Variants in TMEM108 observed in about 807,000 individuals in gnomAD.
TMEM108 encodes the protein cancer/testis antigen 124.
Under a neutral mutation model 35.1 loss-of-function variants are expected in TMEM108, and 12 were observed. The observed-to-expected ratio is 0.34, with a 90% CI of 0.22 to 0.55. TMEM108 has a LOEUF of 0.55. Among genes scored for constraint, TMEM108 ranks in the 20% least tolerant of loss-of-function variants. TMEM108 has a pLI of 0.89. For synonymous variants in TMEM108, 287 were observed against 308.6 expected (o/e 0.93, Z 0.73); for missense variants, 680 against 753.3 (o/e 0.90, Z 1.14).
At chr3:133,201,039 A>G (rs1945656000) in intron 2 of TMEM108, among the ~76,000 whole-genome samples, 1 of 152,174 alleles carries the variant, frequency 6.6e-6, no homozygotes, top group Non-Finnish European at 1.5e-5. Context: ...TCACCAATAT[A>G]CTAAAAAACC....
chr3:133,295,844 C>T (rs868618630), intron 3 of TMEM108, among the ~76,000 whole-genome samples: 3 of 152,126 alleles, frequency 2.0e-5, no homozygotes, highest in South Asian at 2.1e-4. Context: ...CAGCTGGGCC[C>T]GCTGAAGAAA....
At chr3:133,188,868 C>T (rs1332742978) in intron 2 of TMEM108, among the ~76,000 whole-genome samples, 1 of 152,140 alleles carries the variant, frequency 6.6e-6, no homozygotes, top group African/African-American at 2.4e-5. Flanking sequence ...GGACCCAGAA[C>T]TCATCTATAA....
chr3:133,211,170 G>T (rs1472438123), intron 2 of TMEM108, among the ~76,000 whole-genome samples: 1 of 152,050 alleles, frequency 6.6e-6, no homozygotes, highest in Admixed American at 6.6e-5. Flanking sequence ...GAAGTGTATT[G>T]CCTCTTCAAA....
At chr3:133,232,895 A>G (rs1946174466) in intron 3 of TMEM108, among the ~76,000 whole-genome samples, 2 of 152,218 alleles carry the variant, frequency 1.3e-5, no homozygotes, top group African/African-American at 2.4e-5. Flanking sequence ...TTATGGTTAT[A>G]TAAAAACCAG....
chr3:133,174,597 C>T (rs937244548), intron 2 of TMEM108, among the ~76,000 whole-genome samples: 1 of 152,220 alleles, frequency 6.6e-6, no homozygotes, highest in African/African-American at 2.4e-5. Context: ...CAAACTCCAA[C>T]AGACCTGCAG....
At chr3:133,137,552 T>G (rs1357361069) in intron 2 of TMEM108, among the ~76,000 whole-genome samples, 3 of 152,224 alleles carry the variant, frequency 2.0e-5, no homozygotes, top group African/African-American at 7.2e-5. Flanking sequence ...CCAGCCCTAC[T>G]TCATTCTTTG....
rs116000083 is a variant in TMEM108, at chr3:133,230,968, G to A, written c.40+1617G>A. Among the ~76,000 whole-genome samples, 669 of 152,292 alleles carry A rather than the reference G, an allele frequency of 4.4e-3. 6 individuals are homozygous for A. The highest frequency in any genetic ancestry group is 0.01 in the Middle Eastern group (3 of 294). On this transcript the variant is annotated intron_variant, in intron 3 of 5. Transcript: ENST00000321871. The stretch of plus-strand genomic sequence containing the variant: ...CAAAGCTTGCTGGGAAATGCAAACA[G>A]TCCAGAATATGTAGTTTCCTGCTGG...
At chr3:133,308,326 CT>C (rs2071073533) in intron 3 of TMEM108, among the ~76,000 whole-genome samples, 2 of 152,106 alleles carry the variant, frequency 1.3e-5, no homozygotes. Context: ...TTTGACTTCC[CT>C]TTTCCTAATT....
chr3:133,234,648 T>G (rs1043911458), intron 3 of TMEM108, among the ~76,000 whole-genome samples: 1 of 152,162 alleles, frequency 6.6e-6, no homozygotes, highest in East Asian at 1.9e-4. Context: ...AATATCATAC[T>G]GAATGGGCAA....
At chr3:133,099,474 C>A (rs1221130754) in intron 2 of TMEM108, among the ~76,000 whole-genome samples, 1 of 152,234 alleles carries the variant, frequency 6.6e-6, no homozygotes, top group Non-Finnish European at 1.5e-5. Flanking sequence ...TGGCAGCCAG[C>A]TTGAATTTCT....
At chr3:133,158,920 A>G (rs575897717) in intron 2 of TMEM108, among the ~76,000 whole-genome samples, 127 of 152,356 alleles carry the variant, frequency 8.3e-4, no homozygotes, top group African/African-American at 2.5e-3. Context: ...ACACAGCAGA[A>G]TAACAGCTCA....
intron 2 of TMEM108, among the ~76,000 whole-genome samples, chr3:133,095,070 C>A (rs1232264269): frequency 6.6e-6 from 1 of 152,146 alleles, no homozygotes. Flanking sequence ...TTCCCTTAGG[C>A]CCTCTTTAGA....
chr3:133,331,085 T>C (rs1045170462), intron 3 of TMEM108, among the ~76,000 whole-genome samples: 5 of 151,854 alleles, frequency 3.3e-5, no homozygotes, highest in Non-Finnish European at 7.4e-5. Flanking sequence ...TACATAGAGG[T>C]TTACTTAAAC....
rs137974889 is a variant in TMEM108 at position 133,245,638 on chromosome 3, C to A, written c.40+16287C>A. Reference sequence around the variant, plus strand: ...ATTCTTAGCCTAGAACAATGCCTGGCACATGGGAGACCAAAGAAACATGGC... The same window carrying A: ...ATTCTTAGCCTAGAACAATGCCTGGAACATGGGAGACCAAAGAAACATGGC... On this transcript the variant is annotated intron_variant, in intron 3 of 5. Transcript: ENST00000321871. Among the ~76,000 whole-genome samples, 444 of 152,298 alleles carry A rather than the reference C, an allele frequency of 2.9e-3. 3 individuals carry two copies. Among genetic ancestry groups the A allele is most frequent in the African/African-American group, 0.01 (432 of 41,552 alleles).
intron 3 of TMEM108, among the ~76,000 whole-genome samples, chr3:133,360,188 G>T (rs752474059): frequency 6.6e-6 from 1 of 152,124 alleles, no homozygotes; most frequent in Non-Finnish European, 1.5e-5. Flanking sequence ...TTGGAGTGAG[G>T]GTTGGGGAGG....
At chr3:133,219,751 T>A (rs1201278332) in intron 2 of TMEM108, among the ~76,000 whole-genome samples, 1 of 152,138 alleles carries the variant, frequency 6.6e-6, no homozygotes, top group African/African-American at 2.4e-5. Context: ...TTATATATAG[T>A]CTATCCTGGA....
At chr3:133,297,332 T>A (rs1947159880) in intron 3 of TMEM108, among the ~76,000 whole-genome samples, 1 of 152,162 alleles carries the variant, frequency 6.6e-6, no homozygotes, top group African/African-American at 2.4e-5. Context: ...GTTTTCATTT[T>A]TGTAGTTAAA....
intron 1 of TMEM108, among the ~76,000 whole-genome samples, chr3:133,042,564 A>G (rs918317400): frequency 2.0e-5 from 3 of 152,226 alleles, no homozygotes; most frequent in African/African-American, 7.2e-5. Context: ...AAGACTAAAA[A>G]TTATTTATAA....
chr3:133,359,288 A>G (rs1384066291), intron 3 of TMEM108, among the ~76,000 whole-genome samples: 1 of 152,238 alleles, frequency 6.6e-6, no homozygotes, highest in Non-Finnish European at 1.5e-5. Context: ...AGGACTTCTT[A>G]GAGTTTTTAA....
Sources: gnomAD v4.1 joint callset for allele counts (sites outside exome capture counted in the v4.1 genomes callset) on GRCh38, gnomAD v4.1.1 for gene constraint, MANE v1.5 for transcripts, NCBI Gene and HGNC (gene_info 2026-07-23, HGNC 2026-07-21) for gene names.